MGAT4C: variants seen among roughly 807,000 people sequenced by gnomAD.
The protein encoded by MGAT4C is alpha-1,3-mannosyl-glycoprotein 4-beta-N-acetylglucosaminyltransferase C.
A neutral mutation model predicts 40.1 loss-of-function variants in MGAT4C; 19 were observed. The observed-to-expected ratio is 0.47, with a 90% confidence interval of 0.33 to 0.70. The LOEUF is 0.70. Among genes scored for constraint, MGAT4C ranks in the 30% least tolerant of loss-of-function variants. The pLI is 0.02. For synonymous variants in MGAT4C, 181 were observed against 187.1 expected, an observed-to-expected ratio of 0.97 and a Z score of 0.27; for missense variants, 491 against 563.2, an observed-to-expected ratio of 0.87 and a Z score of 1.30.
intron 1 of MGAT4C, among the ~76,000 whole-genome samples, chr12:86,800,397 G>A (rs1205323800): frequency 2.0e-5 from 3 of 151,804 alleles, no homozygotes; most frequent in Non-Finnish European, 4.4e-5. Flanking sequence ...ATTGATTTGT[G>A]ACCTGCTTGC....
At chr12:86,539,340 C>A (rs1959133114) in intron 2 of MGAT4C, among the ~76,000 whole-genome samples, 1 of 152,184 alleles carries the variant, frequency 6.6e-6, no homozygotes, top group African/African-American at 2.4e-5. Context: ...CATGTCCCTA[C>A]AAAGGACATG....
rs369787247 is a variant in MGAT4C, at chr12:86,380,890, G to T, written c.-119-46763C>A. On this transcript the variant is annotated intron_variant, in intron 3 of 7. Coordinates refer to the MGAT4C transcript ENST00000548651. ...AATTCAGGAAAAAATAATTTTAAATGTTCTTAAAAGACATTTATTTCCTCT... is the reference window on the plus strand; with the variant it reads ...AATTCAGGAAAAAATAATTTTAAATTTTCTTAAAAGACATTTATTTCCTCT... Among the ~76,000 whole-genome samples the T allele has an allele frequency of 2.3e-4, 35 of 152,206 alleles. No individual in the cohort carries two copies. In the East Asian group the frequency reaches 5.2e-3, roughly 23 times the overall value.
intron 3 of MGAT4C, among the ~76,000 whole-genome samples, chr12:86,365,071 A>AT (rs1378054251): frequency 2.0e-5 from 3 of 152,056 alleles, no homozygotes; most frequent in Non-Finnish European, 4.4e-5. Flanking sequence ...GGCTTATTTC[A>AT]TCCCTACAGC....
At chr12:86,070,470 C>G (rs1215298660) in intron 1 of MGAT4C, among the ~76,000 whole-genome samples, 1 of 151,926 alleles carries the variant, frequency 6.6e-6, no homozygotes, top group African/African-American at 2.4e-5. Context: ...ACTACTAATC[C>G]ACTTTTTTGT....
intron 2 of MGAT4C, among the ~76,000 whole-genome samples, chr12:86,689,768 C>T (rs1950142290): frequency 6.6e-6 from 1 of 152,180 alleles, no homozygotes. Flanking sequence ...TGGGATGTGT[C>T]TCCCAGTCAG....
intron 2 of MGAT4C, among the ~76,000 whole-genome samples, chr12:86,490,217 C>T (rs1015637685): frequency 4.0e-4 from 61 of 152,090 alleles, no homozygotes; most frequent in South Asian, 1.0e-3. Flanking sequence ...AGACTAACAG[C>T]GGATCTCTCG....
chr12:86,064,366 C>T (rs375836175), intron 1 of MGAT4C, among the ~76,000 whole-genome samples: 38 of 152,124 alleles, frequency 2.5e-4, no homozygotes, highest in African/African-American at 8.4e-4. Context: ...GGCAACAGAG[C>T]GAGACTACGT....
At chr12:86,630,485 T>A (rs1296607513) in intron 2 of MGAT4C, among the ~76,000 whole-genome samples, 1 of 152,088 alleles carries the variant, frequency 6.6e-6, no homozygotes, top group African/African-American at 2.4e-5. Flanking sequence ...CTGATGAACA[T>A]CGATGCAAAA....
intron 2 of MGAT4C, among the ~76,000 whole-genome samples, chr12:86,622,375 G>A (rs1366518075): frequency 6.6e-6 from 1 of 152,020 alleles, no homozygotes; most frequent in Non-Finnish European, 1.5e-5. Flanking sequence ...TAATTTCAGA[G>A]TAACCCATCT....
chr12:86,502,245 C>T (rs1002881013), intron 2 of MGAT4C, among the ~76,000 whole-genome samples: 2 of 151,824 alleles, frequency 1.3e-5, no homozygotes, highest in African/African-American at 2.4e-5. Flanking sequence ...GAAGCAAATC[C>T]TAAAATGATA....
At chr12:86,598,345 T>G (rs1961621177) in intron 2 of MGAT4C, among the ~76,000 whole-genome samples, 1 of 152,068 alleles carries the variant, frequency 6.6e-6, no homozygotes, top group Non-Finnish European at 1.5e-5. Flanking sequence ...AAGAAAACAT[T>G]AAAACCTTCA....
At chr12:86,612,727 G>C (rs1408226483) in intron 2 of MGAT4C, among the ~76,000 whole-genome samples, 1 of 135,776 alleles carries the variant, frequency 7.4e-6, no homozygotes, top group African/African-American at 2.8e-5. Flanking sequence ...GCAACAGAGT[G>C]AGACTCTGTC....
At chr12:86,373,171 C>T (rs1004088450) in intron 3 of MGAT4C, among the ~76,000 whole-genome samples, 7 of 151,814 alleles carry the variant, frequency 4.6e-5, no homozygotes, top group African/African-American at 7.2e-5. Context: ...ATATTAACTG[C>T]GTTCCTCATC....
rs12302123 is a variant in MGAT4C at position 86,364,061 on chromosome 12, G to A, written c.-119-29934C>T. 8.1e-3 allele frequency among the ~76,000 whole-genome samples: 1,225 copies of A among 151,358 alleles called. 24 individuals carry two copies. The highest frequency in any genetic ancestry group is 0.029 in the African/African-American group (1,176 of 41,260). The stretch of plus-strand genomic sequence containing the variant: ...CTCTATCTGTAAAACCAATTGAGTT[G>A]GTAGTTAAGTATCCTCCAAGAAAAT... On this transcript the variant is annotated intron_variant, in intron 3 of 7. Coordinates refer to the MGAT4C transcript ENST00000548651.
intron 3 of MGAT4C, among the ~76,000 whole-genome samples, chr12:86,420,786 T>TAA (rs1170638795): frequency 1.3e-5 from 2 of 148,916 alleles, no homozygotes; most frequent in African/African-American, 4.9e-5. Flanking sequence ...CATATATATA[T>TAA]ATATATATAC....
intron 3 of MGAT4C, among the ~76,000 whole-genome samples, chr12:86,357,657 A>G (rs1955347870): frequency 6.6e-6 from 1 of 152,344 alleles, no homozygotes; most frequent in South Asian, 2.1e-4. Flanking sequence ...GCTGAAAACC[A>G]TGGCACAAGA....
intron 3 of MGAT4C, among the ~76,000 whole-genome samples, chr12:86,354,546 A>C (rs1955263400): frequency 6.6e-6 from 1 of 152,222 alleles, no homozygotes; most frequent in Non-Finnish European, 1.5e-5. Context: ...TAGAAGTTAT[A>C]AGAATAAACC....
intron 2 of MGAT4C, among the ~76,000 whole-genome samples, chr12:86,616,206 A>G (rs1457227858): frequency 6.6e-6 from 1 of 152,106 alleles, no homozygotes; most frequent in East Asian, 1.9e-4. Flanking sequence ...GAAACTTACA[A>G]GCTTTACAAT....
chr12:86,514,112 C>CACACA (rs1430022473), intron 2 of MGAT4C, among the ~76,000 whole-genome samples: 2 of 137,574 alleles, frequency 1.5e-5, no homozygotes, highest in African/African-American at 5.7e-5. Context: ...ACACACACAA[C>CACACA]CCCGGCTTAG....
Sources: gnomAD v4.1 joint callset for allele counts (sites outside exome capture counted in the v4.1 genomes callset) on GRCh38, gnomAD v4.1.1 for gene constraint, MANE v1.5 for transcripts, NCBI Gene and HGNC (gene_info 2026-07-23, HGNC 2026-07-21) for gene names.